Variants in CCDC57 observed in about 807,000 individuals in gnomAD.
CCDC57 encodes the protein coiled-coil domain-containing protein 57.
In CCDC57, 118 loss-of-function variants were observed where a neutral mutation model predicts 118.9. The ratio of observed to expected loss-of-function variants is 0.99; its 90% CI spans 0.86 to 1.16. The LOEUF is 1.16. CCDC57 is among the 50% of genes most tolerant of loss of function. The pLI is 0.00. For synonymous variants in CCDC57, 527 were observed against 532.9 expected (o/e 0.99, Z 0.15); for missense variants, 1,300 against 1,320.7 (o/e 0.98, Z 0.24).
chr17:82,198,850 G>T (rs889056088), intron 3 of CCDC57, among the ~76,000 whole-genome samples: 1 of 151,740 alleles, frequency 6.6e-6, no homozygotes, highest in Non-Finnish European at 1.5e-5. Context: ...AAAATTAGCC[G>T]GGCGTGGTGG....
chr17:82,192,931 G>C lies in CCDC57; in HGVS notation c.851+825C>G, dbSNP rs1022276615. ...CTTTTTGTATTTTTAGTAGAGATGG[G>C]GTTTCACTGTTGGTCAGGGTGGTCT... On this transcript the variant is annotated intron_variant, in intron 7 of 19. Transcript: ENST00000665763. This position sits in a 1 kb window ranked among gnomAD's most constrained non-coding sequence, Gnocchi z 4.0. 2.0e-5 allele frequency among the ~76,000 whole-genome samples: 3 copies of C among 152,080 alleles called. No homozygotes were observed. The highest frequency in any genetic ancestry group is 4.4e-5 in the Non-Finnish European group (3 of 68,004).
intron 3 of CCDC57, among the ~76,000 whole-genome samples, chr17:82,200,247 G>C (rs942930880): frequency 1.3e-5 from 2 of 152,188 alleles, no homozygotes; most frequent in African/African-American, 4.8e-5. Flanking sequence ...TAGCTGGTCA[G>C]TTAAAAGGGC....
intron 19 of CCDC57, chr17:82,108,746 T>G (rs2035039860): frequency 6.6e-6 from 1 of 152,238 alleles, no homozygotes; most frequent in Non-Finnish European, 1.5e-5. Context: ...GACATTTAGT[T>G]GGGACAGCTA....
At chr17:82,205,010 C>T (rs931711037) in intron 2 of CCDC57, among the ~76,000 whole-genome samples, 4 of 152,254 alleles carry the variant, frequency 2.6e-5, no homozygotes, top group Admixed American at 6.5e-5. Context: ...GTTGGCACAA[C>T]GCCATCACCC....
intron 19 of CCDC57, among the ~76,000 whole-genome samples, chr17:82,123,293 CTTTT>C (rs35898082): frequency 4.5e-5 from 5 of 111,060 alleles, no homozygotes; most frequent in Admixed American, 2.0e-4. Flanking sequence ...GTGCCCGGCC[CTTTT>C]TTTTTTTTTT....
At chr17:82,137,678 C>CTT (rs199677583) in intron 16 of CCDC57, among the ~76,000 whole-genome samples, 197 of 133,444 alleles carry the variant, frequency 1.5e-3, no homozygotes, top group African/African-American at 5.4e-3. Context: ...GGAGACTTTT[C>CTT]TTTTTTTTTT....
intron 2 of CCDC57, 60 bp from the exon 2 acceptor site, chr17:82,202,012 C>T: frequency 7.0e-7 from 1 of 1,426,670 alleles, no homozygotes; most frequent in South Asian, 1.4e-5. Context: ...TTTCCTACCA[C>T]AGTACCTACC....
At chr17:82,202,049 G>A (rs771306999) in intron 2 of CCDC57, 97 bp from the exon 2 acceptor site, 27 of 1,234,900 alleles carry the variant, frequency 2.2e-5, no homozygotes, top group Admixed American at 2.8e-5. Context: ...CAGTTACCAC[G>A]GCCGGGCACG....
chr17:82,105,995 T>G (rs904318050), intron 19 of CCDC57, among the ~76,000 whole-genome samples: 2 of 152,220 alleles, frequency 1.3e-5, no homozygotes, highest in African/African-American at 4.8e-5. Context: ...CTCGGGGGCC[T>G]GGGCGCCGAC....
At chr17:82,113,242 G>A (rs1423486170) in intron 19 of CCDC57, 10 of 612,906 alleles carry the variant, frequency 1.6e-5, no homozygotes, top group African/African-American at 3.7e-5. Flanking sequence ...GGGGTTGTCC[G>A]TGCCATTCAG....
chr17:82,171,305 A>T (rs2044690176), intron 13 of CCDC57, among the ~76,000 whole-genome samples: 1 of 145,288 alleles, frequency 6.9e-6, no homozygotes, highest in Non-Finnish European at 1.5e-5. Flanking sequence ...GAGCCAGGGC[A>T]CGTGGGCTCT....
intron 19 of CCDC57, among the ~76,000 whole-genome samples, chr17:82,108,218 G>A (rs2035001837): frequency 6.6e-6 from 1 of 152,206 alleles, no homozygotes; most frequent in Non-Finnish European, 1.5e-5. Flanking sequence ...CGGCCGCTCT[G>A]GCGCTCTGCC....
intron 8 of CCDC57, among the ~76,000 whole-genome samples, chr17:82,185,727 C>G (rs1334851725): frequency 6.8e-6 from 1 of 147,542 alleles, no homozygotes; most frequent in Non-Finnish European, 1.5e-5. Flanking sequence ...TTAAGAACTA[C>G]AAAGCTGGCC....
At chr17:82,135,653 C>T (rs984049415) in intron 16 of CCDC57, among the ~76,000 whole-genome samples, 1 of 152,154 alleles carries the variant, frequency 6.6e-6, no homozygotes, top group Non-Finnish European at 1.5e-5. Context: ...AGAAGATGCA[C>T]GTGTGGGCAA....
intron 8 of CCDC57, among the ~76,000 whole-genome samples, chr17:82,186,801 G>A (rs2046978670): frequency 6.6e-6 from 1 of 152,062 alleles, no homozygotes; most frequent in Non-Finnish European, 1.5e-5. Context: ...AATTAGCTGA[G>A]CATGGTGGTG....
chr17:82,182,177 A>G (rs145907791), intron 9 of CCDC57, among the ~76,000 whole-genome samples: 256 of 151,930 alleles, frequency 1.7e-3, no homozygotes, highest in African/African-American at 5.9e-3. Flanking sequence ...CTTCTGCATT[A>G]GTTCATATTA....
Position 82,164,298 on chromosome 17 carries a change from T to C in CCDC57, c.1883-941A>G, listed in dbSNP as rs565951794. Among the ~76,000 whole-genome samples the C allele has an allele frequency of 5.3e-5, 8 of 151,830 alleles. No homozygotes were observed. In the East Asian group the frequency reaches 1.5e-3, roughly 29 times the overall value. ...CGGGAGGCTGAGGCACGAGAATCGA[T>C]TGAACTCGGGAGGCGGAGGTGGCAG... On this transcript the variant is annotated intron_variant, in intron 13 of 19. Coordinates refer to ENST00000665763, the Ensembl canonical transcript of CCDC57.
intron 19 of CCDC57, among the ~76,000 whole-genome samples, chr17:82,102,275 C>T (rs2034503936): frequency 2.0e-5 from 3 of 152,182 alleles, no homozygotes. Flanking sequence ...CCCGGGTGTC[C>T]CTACCATCTG....
At position 82,184,031 on chromosome 17, in the gene CCDC57, GCACACACACACACACACACACACACACA is replaced by G. The variant is rs71166198; in HGVS notation, c.1053-127_1053-100del. ...CAAATACACATGCGCGCGCGCGCGC[GCACACACACACACACACACACACACACA>G]CACACACACACACACACACACACAG... On this transcript the variant is annotated intron_variant, in intron 8 of 19. Transcript: ENST00000665763. 1,258 of 131,890 alleles carry G rather than the reference GCACACACACACACACACACACACACACA, an allele frequency of 9.5e-3. 23 individuals are homozygous for G. Among genetic ancestry groups the G allele is most frequent in the African/African-American group, 0.045 (1,064 of 23,730 alleles). 8.2% of individuals were successfully genotyped at this position (131,890 alleles called of 1,614,324 possible).
Sources: allele counts gnomAD v4.1 joint callset (sites outside exome capture counted in the v4.1 genomes callset), GRCh38; gene constraint gnomAD v4.1.1; non-coding constraint Gnocchi (gnomAD v3.1); transcripts MANE v1.5; gene names NCBI Gene and HGNC (gene_info 2026-07-23, HGNC 2026-07-21).